The following LIN7A variants were observed in gnomAD, a reference collection of about 807,000 sequenced individuals.
The protein encoded by LIN7A is protein lin-7 homolog A.
A neutral mutation model predicts 29.8 loss-of-function variants in LIN7A; 25 were observed. The ratio of observed to expected loss-of-function variants is 0.84; its 90% CI spans 0.61 to 1.17. LIN7A has a LOEUF of 1.17. Among genes scored for constraint, LIN7A ranks in the 50% most tolerant of loss-of-function variants. LIN7A has a pLI of 0.00. For synonymous variants in LIN7A, 118 were observed against 107.5 expected, an observed-to-expected ratio of 1.10 and a Z score of -0.60; for missense variants, 239 against 287.0, an observed-to-expected ratio of 0.83 and a Z score of 1.21.
chr12:80,834,308 T>C (rs1054444193), intron 4 of LIN7A, among the ~76,000 whole-genome samples: 1 of 152,196 alleles, frequency 6.6e-6, no homozygotes, highest in Admixed American at 6.5e-5. Flanking sequence ...ATGCTTTGGT[T>C]CTTATTCAAA....
In LIN7A at chr12:80,899,982, T is replaced by C. The variant is rs554084552; in HGVS notation, c.83-10613A>G. Among the ~76,000 whole-genome samples, 3 of 151,960 alleles carry C rather than the reference T, an allele frequency of 2.0e-5. No homozygotes were observed. The South Asian group carries it at 6.2e-4, about 32-fold the overall frequency. On this transcript the variant is annotated intron_variant, in intron 1 of 5. Transcript: ENST00000552864. The stretch of plus-strand genomic sequence containing the variant: ...CGGGGTTTCACCGTGTTAGTCAGGA[T>C]GGTCTCCATCTCCTGACCTCGTGAT...
At chr12:80,862,789 G>A (rs1405222538) in intron 2 of LIN7A, among the ~76,000 whole-genome samples, 1 of 152,180 alleles carries the variant, frequency 6.6e-6, no homozygotes, top group African/African-American at 2.4e-5. Flanking sequence ...GTTGTAACAG[G>A]AAGGCAGAGC....
intron 1 of LIN7A, among the ~76,000 whole-genome samples, chr12:80,932,812 T>G (rs1877986891): frequency 6.6e-6 from 1 of 152,236 alleles, no homozygotes; most frequent in Admixed American, 6.5e-5. Context: ...CTGAAGCATT[T>G]CTATGTTCTT....
intron 2 of LIN7A, among the ~76,000 whole-genome samples, chr12:80,888,649 C>G (rs777110119): frequency 5.9e-5 from 9 of 151,754 alleles, no homozygotes; most frequent in Non-Finnish European, 1.5e-5. Context: ...CAAGTGGCTT[C>G]TTTTGTAACC....
chr12:80,852,305 A>T (rs1873373446), intron 2 of LIN7A, among the ~76,000 whole-genome samples: 1 of 152,206 alleles, frequency 6.6e-6, no homozygotes, highest in South Asian at 2.1e-4. Context: ...TGCAATCATT[A>T]TCACAATATA....
At chr12:80,831,743 A>T (rs1265499728) in intron 4 of LIN7A, among the ~76,000 whole-genome samples, 1 of 152,210 alleles carries the variant, frequency 6.6e-6, no homozygotes, top group Non-Finnish European at 1.5e-5. Flanking sequence ...AACACGACTC[A>T]TGTGAAATGG....
chr12:80,892,336 C>T (rs1463681512), intron 1 of LIN7A, among the ~76,000 whole-genome samples: 1 of 152,146 alleles, frequency 6.6e-6, no homozygotes, highest in Non-Finnish European at 1.5e-5. Context: ...GAGACTGGCT[C>T]AGGAAGGCAG....
At chr12:80,880,788 GAC>G (rs150440166) in intron 2 of LIN7A, among the ~76,000 whole-genome samples, 5 of 122,512 alleles carry the variant, frequency 4.1e-5, no homozygotes, top group East Asian at 2.3e-4. Flanking sequence ...CACACACACA[GAC>G]ACACACACAC....
chr12:80,863,116 G>A (rs549337353), intron 2 of LIN7A, among the ~76,000 whole-genome samples: 1 of 152,328 alleles, frequency 6.6e-6, no homozygotes, highest in East Asian at 1.9e-4. Context: ...CCTAAGATGG[G>A]CTTTAGCTCT....
rs150334049 is a variant in LIN7A, at chr12:80,835,028, C to A, written c.483+10702G>T. ...TTTAAAGCAATCACTGGTAATTGGG[C>A]TTGGTGAGTTCCACAAAATATAAAT... On this transcript the variant is annotated intron_variant, in intron 4 of 5. Coordinates refer to ENST00000552864, the MANE Select transcript of LIN7A (RefSeq NM_004664.4). Among the ~76,000 whole-genome samples the A allele has an allele frequency of 5.1e-4, 78 of 152,276 alleles. 1 individual carries two copies. Among genetic ancestry groups the A allele is most frequent in the Non-Finnish European group, 1.0e-3 (70 of 68,006 alleles).
At chr12:80,911,387 A>T (rs1004122058) in intron 1 of LIN7A, among the ~76,000 whole-genome samples, 2 of 151,644 alleles carry the variant, frequency 1.3e-5, no homozygotes, top group African/African-American at 4.8e-5. Context: ...GCAGCTGGGA[A>T]TACAGGTACA....
intron 4 of LIN7A, among the ~76,000 whole-genome samples, chr12:80,824,226 A>G (rs1047798361): frequency 1.3e-5 from 2 of 152,312 alleles, no homozygotes; most frequent in Admixed American, 6.5e-5. Context: ...ATTCAAGGCT[A>G]CTGTGAACAC....
intron 5 of LIN7A, 97 bp from the exon 6 acceptor site, chr12:80,797,823 A>G (rs1870526477): frequency 6.6e-6 from 1 of 152,572 alleles, no homozygotes; most frequent in African/African-American, 2.4e-5. Context: ...CTATGTGAGA[A>G]CAGCAAGGAT....
At chr12:80,898,310 T>G (rs1468401042) in intron 1 of LIN7A, among the ~76,000 whole-genome samples, 2 of 152,162 alleles carry the variant, frequency 1.3e-5, no homozygotes, top group East Asian at 3.9e-4. Flanking sequence ...GGGCTCTCTA[T>G]TCTGTTCTAT....
intron 4 of LIN7A, among the ~76,000 whole-genome samples, chr12:80,820,277 G>GA (rs1328272179): frequency 2.6e-5 from 4 of 151,628 alleles, no homozygotes; most frequent in South Asian, 2.1e-4. Flanking sequence ...GAGGTTAATG[G>GA]AAAAAAAAGT....
intron 2 of LIN7A, among the ~76,000 whole-genome samples, chr12:80,860,237 C>A (rs1049410515): frequency 6.6e-6 from 1 of 152,098 alleles, no homozygotes; most frequent in Non-Finnish European, 1.5e-5. Flanking sequence ...CCAGTGTGTG[C>A]CAATAATAAT....
intron 2 of LIN7A, among the ~76,000 whole-genome samples, chr12:80,857,007 G>A (rs1245321120): frequency 1.3e-5 from 2 of 152,168 alleles, no homozygotes; most frequent in Non-Finnish European, 2.9e-5. Context: ...AGATCTGCCC[G>A]TGTGGTTGAT....
At chr12:80,933,315 G>A (rs575587178) in intron 1 of LIN7A, among the ~76,000 whole-genome samples, 1 of 152,200 alleles carries the variant, frequency 6.6e-6, no homozygotes, top group African/African-American at 2.4e-5. Flanking sequence ...TTCAGTTTTT[G>A]ATCATTTTCT....
intron 4 of LIN7A, among the ~76,000 whole-genome samples, chr12:80,825,181 C>T (rs759089517): frequency 6.6e-6 from 1 of 151,936 alleles, no homozygotes; most frequent in Non-Finnish European, 1.5e-5. Flanking sequence ...TCAGAGAATG[C>T]GTCATTGCCA....
Sources: gnomAD v4.1 joint callset for allele counts (sites outside exome capture counted in the v4.1 genomes callset) on GRCh38, gnomAD v4.1.1 for gene constraint, MANE v1.5 for transcripts, NCBI Gene and HGNC (gene_info 2026-07-23, HGNC 2026-07-21) for gene names.